The following P2RX4 variants were observed in gnomAD, a reference collection of about 807,000 sequenced individuals.
The protein encoded by P2RX4 is P2X purinoceptor 4.
In P2RX4, 37 loss-of-function variants were observed where a neutral mutation model predicts 48.0. The ratio of observed to expected loss-of-function variants is 0.77; its 90% CI spans 0.59 to 1.01. The LOEUF (loss-of-function observed/expected upper bound fraction) is 1.01. Ranked by LOEUF, P2RX4 falls within the 50% of genes least tolerant of loss-of-function variation. The pLI is 0.00. For missense variants in P2RX4, 501 were observed against 521.4 expected, an observed-to-expected ratio of 0.96 and a Z score of 0.38; for synonymous variants, 200 against 199.7, an observed-to-expected ratio of 1.00 and a Z score of -0.01.
chr12:121,233,269 T>G (rs1887490016), intron 11 of P2RX4, 177 bp downstream of exon 11: 2 of 635,176 alleles, frequency 3.1e-6, no homozygotes, highest in Admixed American at 5.6e-5. Flanking sequence ...CCTAGGCCCC[T>G]GTACTAGATT....
At chr12:121,215,184 G>A (rs1287117934) in intron 1 of P2RX4, 2 of 152,114 alleles carry the variant, frequency 1.3e-5, no homozygotes, top group Admixed American at 6.6e-5. Flanking sequence ...CAATTTCCAC[G>A]GTGTCAGTAC....
intron 1 of P2RX4, among the ~76,000 whole-genome samples, chr12:121,211,432 G>C (rs1885839243): frequency 6.6e-6 from 1 of 152,004 alleles, no homozygotes; most frequent in Non-Finnish European, 1.5e-5. Context: ...CAGGTGATCC[G>C]CCCACCTCAG....
chr12:121,220,583 C>T (rs933576437), intron 2 of P2RX4, among the ~76,000 whole-genome samples: 2 of 152,066 alleles, frequency 1.3e-5, no homozygotes, highest in Non-Finnish European at 2.9e-5. Flanking sequence ...TTGCAGTAAG[C>T]CAAGATCGTG....
intron 4 of P2RX4, 101 bp from the exon 5 acceptor site, chr12:121,222,846 G>A (rs2136230810): frequency 7.0e-7 from 1 of 1,429,984 alleles, no homozygotes; most frequent in East Asian, 2.5e-5. Context: ...AAGACTGGCT[G>A]CATGGGAGGC....
chr12:121,228,405 T>TACACACACAC, intron 5 of P2RX4, 128 bp from the exon 6 acceptor site: 1 of 225,794 alleles, frequency 4.4e-6, no homozygotes, highest in Admixed American at 6.7e-5. Context: ...TATATATATA[T>TACACACACAC]ACACACACAC....
chr12:121,227,189 G>A (rs536198367), intron 5 of P2RX4, among the ~76,000 whole-genome samples: 4 of 151,750 alleles, frequency 2.6e-5, no homozygotes, highest in South Asian at 4.2e-4. Flanking sequence ...GCTCTCCTCC[G>A]AGTGCAGCCC....
At chr12:121,219,655 AGATG>A (rs1287877097) in intron 2 of P2RX4, among the ~76,000 whole-genome samples, 1 of 136,866 alleles carries the variant, frequency 7.3e-6, no homozygotes, top group East Asian at 2.1e-4. Flanking sequence ...ATAGATAGAT[AGATG>A]GAAAGAAAGA....
chr12:121,222,405 T>TTTG (rs1555236288), intron 4 of P2RX4: 36 of 551,554 alleles, frequency 6.5e-5, no homozygotes, highest in Admixed American at 3.0e-4. Flanking sequence ...CTTGTTTTTT[T>TTTG]TTTTGTTTTG....
chr12:121,231,105 A>G, intron 8 of P2RX4, among the ~76,000 whole-genome samples: 1 of 151,340 alleles, frequency 6.6e-6, no homozygotes, highest in African/African-American at 2.4e-5. Flanking sequence ...CTCCTGCCTC[A>G]GCCGCCTGAG....
At chr12:121,224,736 C>T (rs762132820) in intron 5 of P2RX4, among the ~76,000 whole-genome samples, 1 of 151,870 alleles carries the variant, frequency 6.6e-6, no homozygotes, top group Non-Finnish European at 1.5e-5. Context: ...GTCCGGGCAG[C>T]GCTCTGAGAA....
At chr12:121,221,827 G>A (rs1305044202) in intron 2 of P2RX4, 86 bp from the exon 3 acceptor site, 2 of 1,116,396 alleles carry the variant, frequency 1.8e-6, no homozygotes, top group East Asian at 4.7e-5. Flanking sequence ...CAGTGTTTGA[G>A]TTGTCCTCTT....
rs866346843 is a variant in P2RX4 at position 121,222,643 on chromosome 12, C to A, written c.428-304C>A. The A allele has an allele frequency of 8.6e-5, 67 of 777,446 alleles. No homozygotes were observed. The Middle Eastern group carries it at 2.4e-3, about 28-fold the overall frequency. 48.2% of individuals were successfully genotyped at this position (777,446 alleles called of 1,614,324 possible). A position where few individuals can be genotyped will look rare whatever the true frequency, so the allele number is the denominator to read the frequency against. ...GCCAGGCTGGTCTCGAACTCCTGACCTCAGGTGATCCACCCGCCTCAGCCT... is the reference window on the plus strand; with the variant it reads ...GCCAGGCTGGTCTCGAACTCCTGACATCAGGTGATCCACCCGCCTCAGCCT... On this transcript the variant is annotated intron_variant, in intron 4 of 11. Coordinates refer to ENST00000337233, the MANE Select transcript of P2RX4 (RefSeq NM_002560.3).
At chr12:121,221,623 G>A (rs1197453266) in intron 2 of P2RX4, among the ~76,000 whole-genome samples, 1 of 150,328 alleles carries the variant, frequency 6.7e-6, no homozygotes. Context: ...TTGAACTCCT[G>A]ACCTCGTGAT....
At chr12:121,230,314 C>G (rs1356714542) in intron 8 of P2RX4, among the ~76,000 whole-genome samples, 1 of 152,162 alleles carries the variant, frequency 6.6e-6, no homozygotes, top group Non-Finnish European at 1.5e-5. Context: ...GCCAGGGAGG[C>G]AGAGGTTGCA....
Position 121,233,705 on chromosome 12 carries a change from T to G in P2RX4, c.*156T>G, listed in dbSNP as rs1887526022. 1 of 1,509,388 alleles carries G rather than the reference T, an allele frequency of 6.6e-7. No individual in the cohort carries two copies. Among genetic ancestry groups the G allele is most frequent in the African/African-American group, 1.4e-5 (1 of 72,450 alleles). 93.5% of individuals were successfully genotyped at this position (1,509,388 alleles called of 1,614,324 possible). On this transcript the variant is annotated 3_prime_UTR_variant, in exon 12 of 12. Coordinates refer to ENST00000337233, the MANE Select transcript of P2RX4 (RefSeq NM_002560.3). ...GGGTTCCCCAGCAGCTCCTGTGTGT[T>G]GTGTGCAGGATCTGTTTGCCCACTC...
chr12:121,223,392 A>G (rs1566005477), intron 5 of P2RX4: 1 of 331,146 alleles, frequency 3.0e-6, no homozygotes, highest in Non-Finnish European at 5.8e-6. Flanking sequence ...CACCACACCC[A>G]GCCGGAAGCA....
Position 121,217,291 on chromosome 12 carries a change from C to T in P2RX4, c.282+10C>T, listed in dbSNP as rs1167245449. 1.2e-6 allele frequency: 2 copies of T among 1,613,386 alleles called. No homozygotes were observed. Among genetic ancestry groups the T allele is most frequent in the Non-Finnish European group, 1.7e-6 (2 of 1,179,562 alleles). ...TGTGATACCAGCTCAGGTGTGTCTC[C>T]CACTGTGTCTTCTGTCTAACACTGA... On this transcript the variant is annotated intron_variant, in intron 2 of 11. Coordinates refer to ENST00000337233, the MANE Select transcript of P2RX4 (RefSeq NM_002560.3).
rs1887195324 is a variant in P2RX4 at position 121,229,245 on chromosome 12, C to T, written c.884+146C>T. 1 of 1,009,504 alleles carries T rather than the reference C, an allele frequency of 9.9e-7. No individual in the cohort carries two copies. The highest frequency in any genetic ancestry group is 1.5e-5 in the South Asian group (1 of 68,118). The allele number at this position is 1,009,504 out of a possible 1,614,324, so 62.5% of individuals were successfully genotyped here. A position where few individuals can be genotyped will look rare whatever the true frequency, so the allele number is the denominator to read the frequency against. ...CCCCCGTCCAAGGCGGCGGGAAGGC[C>T]ATGCTGGGAAAATGCCCTTAGTGGT... On this transcript the variant is annotated intron_variant, in intron 8 of 11. Coordinates refer to ENST00000337233, the MANE Select transcript of P2RX4 (RefSeq NM_002560.3). The surrounding 1 kb of genome is among the most constrained non-coding windows in gnomAD (Gnocchi z 4.6).
At chr12:121,218,027 C>T (rs965069407) in intron 2 of P2RX4, among the ~76,000 whole-genome samples, 2 of 152,202 alleles carry the variant, frequency 1.3e-5, no homozygotes, top group South Asian at 2.1e-4. Flanking sequence ...GCTAAGGGAC[C>T]GAGGGCGACC....
Sources: allele counts gnomAD v4.1 joint callset (sites outside exome capture counted in the v4.1 genomes callset), GRCh38; gene constraint gnomAD v4.1.1; non-coding constraint Gnocchi (gnomAD v3.1); transcripts MANE v1.5; gene names NCBI Gene and HGNC (gene_info 2026-07-23, HGNC 2026-07-21).